The following LMO7 variants were observed in gnomAD, a reference collection of about 807,000 sequenced individuals.
The protein encoded by LMO7 is LIM domain only protein 7.
A neutral mutation model predicts 206.5 loss-of-function variants in LMO7; 120 were observed. The observed-to-expected ratio is 0.58, with a 90% CI of 0.50 to 0.68. The LOEUF (loss-of-function observed/expected upper bound fraction) is 0.68, where lower values mean the gene tolerates loss of function less well. Among genes scored for constraint, LMO7 ranks in the 30% least tolerant of loss-of-function variants. The probability of loss-of-function intolerance (pLI) is 0.00; values close to 1 mark genes in which losing one functional copy is unlikely to be tolerated. For synonymous variants in LMO7, 706 were observed against 681.5 expected (o/e 1.04, Z -0.56); for missense variants, 1,959 against 1,957.9 (o/e 1.00, Z -0.01).
Position 75,636,603 on chromosome 13 carries a change from A to T in LMO7, c.-55A>T, listed in dbSNP as rs1043569534. 3.2e-6 allele frequency: 5 copies of T among 1,544,196 alleles called. No individual in the cohort carries two copies. In the Admixed American group the frequency reaches 9.8e-5, roughly 30 times the overall value. On this transcript the variant is annotated 5_prime_UTR_variant, in exon 1 of 31. Transcript: ENST00000377534. ...GCCCGTGGGGCCCAGACGCGCGGGGACAACCCCTCCCCTCCACGCATCCCG... is the reference window on the plus strand; with the variant it reads ...GCCCGTGGGGCCCAGACGCGCGGGGTCAACCCCTCCCCTCCACGCATCCCG...
intron 3 of LMO7, among the ~76,000 whole-genome samples, chr13:75,731,915 C>G (rs1335613540): frequency 6.6e-6 from 1 of 152,038 alleles, no homozygotes; most frequent in African/African-American, 2.4e-5. Flanking sequence ...ATATGAAATT[C>G]TGGGTTGAAA....
At chr13:75,745,055 T>C (rs1018329604) in intron 3 of LMO7, among the ~76,000 whole-genome samples, 8 of 152,142 alleles carry the variant, frequency 5.3e-5, no homozygotes, top group African/African-American at 1.7e-4. Flanking sequence ...TGATTGAGTG[T>C]GTGTATGAGA....
intron 1 of LMO7, among the ~76,000 whole-genome samples, chr13:75,665,092 C>G (rs2038964710): frequency 1.3e-5 from 2 of 152,052 alleles, no homozygotes; most frequent in South Asian, 4.2e-4. Context: ...GTTTTTAGTA[C>G]TGTTTATTTT....
chr13:75,809,310 G>T (rs2055983397), intron 11 of LMO7, 127 bp downstream of exon 11: 1 of 737,702 alleles, frequency 1.4e-6, no homozygotes, highest in South Asian at 1.9e-5. Context: ...TTTTTTAAGT[G>T]GGAAATGTTT....
At chr13:75,623,191 T>C (rs1156253756) in intron 1 of LMO7, 1 of 715,520 alleles carries the variant, frequency 1.4e-6, no homozygotes, top group Non-Finnish European at 2.5e-6. Context: ...TTGTTGTTGC[T>C]CAATAAATAT....
At position 75,841,136 on chromosome 13, in the gene LMO7, C is replaced by T. The variant is rs766065248; in HGVS notation, c.3610C>T (p.Leu1204=). The change falls in exon 23 of 31, where the codon CTG becomes TTG. Residue 1204 remains leucine, a synonymous_variant. Transcript: ENST00000377534. ...AAAATATCAACGTGAGCAGGAGAAA[C>T]TGAGGGAAGAGTGGCAAAGGGCCAA... The part of the protein sequence containing the change: ...QEKYQREQEK[L]REEWQRAKQE... 1.9e-5 allele frequency: 30 copies of T among 1,612,474 alleles called. No individual in the cohort carries two copies. The highest frequency in any genetic ancestry group is 2.3e-5 in the Non-Finnish European group (27 of 1,178,862).
intron 3 of LMO7, among the ~76,000 whole-genome samples, chr13:75,729,252 T>C (rs1403012534): frequency 6.0e-5 from 9 of 149,624 alleles, no homozygotes; most frequent in Middle Eastern, 3.4e-3. Flanking sequence ...ATTCTTCCTA[T>C]CCATGAGCAT....
At chr13:75,622,570 T>G (rs528266735) in intron 1 of LMO7, among the ~76,000 whole-genome samples, 7 of 152,342 alleles carry the variant, frequency 4.6e-5, no homozygotes, top group African/African-American at 1.7e-4. Flanking sequence ...TTAAGTACTT[T>G]AAGAACTATA....
At chr13:75,804,220 C>T (rs1352626639) in intron 7 of LMO7, 69 bp from the exon 8 acceptor site, 15 of 1,491,050 alleles carry the variant, frequency 1.0e-5, no homozygotes, top group South Asian at 5.1e-5. Flanking sequence ...ACAAAGCAGG[C>T]GCGCTGTGTG....
intron 1 of LMO7, among the ~76,000 whole-genome samples, chr13:75,650,943 A>G (rs1438176028): frequency 2.6e-5 from 4 of 152,228 alleles, no homozygotes; most frequent in African/African-American, 7.2e-5. Context: ...AATGAGCCCA[A>G]TGAGCTATTT....
intron 19 of LMO7, among the ~76,000 whole-genome samples, chr13:75,837,527 T>C (rs139519801): frequency 1.1e-3 from 172 of 152,256 alleles, no homozygotes; most frequent in African/African-American, 4.1e-3. Flanking sequence ...TTGTGACAGA[T>C]CTATGGGAGA....
At chr13:75,782,299 C>T (rs375124595) in intron 4 of LMO7, among the ~76,000 whole-genome samples, 22 of 152,176 alleles carry the variant, frequency 1.4e-4, no homozygotes, top group African/African-American at 5.3e-4. Context: ...GTAGGTGTTT[C>T]ATTTTCTTCA....
At chr13:75,856,989 T>C (rs2139795764) in intron 30 of LMO7, 2 of 158,612 alleles carry the variant, frequency 1.3e-5, no homozygotes, top group Middle Eastern at 3.3e-3. Context: ...CATCAACTTC[T>C]ATTATTTAAC....
At chr13:75,731,555 C>T (rs2045224525) in intron 3 of LMO7, among the ~76,000 whole-genome samples, 1 of 152,108 alleles carries the variant, frequency 6.6e-6, no homozygotes, top group Non-Finnish European at 1.5e-5. Context: ...CTGAATACAG[C>T]ACACTGATGG....
At chr13:75,799,206 A>G (rs1405383797) in intron 6 of LMO7, among the ~76,000 whole-genome samples, 2 of 152,210 alleles carry the variant, frequency 1.3e-5, no homozygotes, top group Non-Finnish European at 2.9e-5. Flanking sequence ...TCATGAATTG[A>G]CGGTATTAGA....
intron 3 of LMO7, among the ~76,000 whole-genome samples, chr13:75,751,971 G>T (rs1399529890): frequency 6.6e-6 from 1 of 152,074 alleles, no homozygotes; most frequent in African/African-American, 2.4e-5. Flanking sequence ...TTTGGGTAGG[G>T]TAAGAGCCTA....
intron 2 of LMO7, among the ~76,000 whole-genome samples, chr13:75,726,202 G>A (rs2044457959): frequency 2.0e-5 from 3 of 151,940 alleles, no homozygotes; most frequent in African/African-American, 7.2e-5. Flanking sequence ...TAATAGAAAA[G>A]CATTTTTATA....
At chr13:75,621,657 G>A (rs776970477) in exon 1 of LMO7, 15 of 1,317,444 alleles carry the variant, frequency 1.1e-5, no homozygotes, top group Admixed American at 4.4e-5. Context: ...ATATGGGTAC[G>A]GTCTAAAGCT....
At chr13:75,732,007 T>G (rs1338248083) in intron 3 of LMO7, among the ~76,000 whole-genome samples, 1 of 152,204 alleles carries the variant, frequency 6.6e-6, no homozygotes, top group African/African-American at 2.4e-5. Flanking sequence ...GTTAGTCTGA[T>G]GGGTTTCCCT....
Sources: gnomAD v4.1 joint callset for allele counts (sites outside exome capture counted in the v4.1 genomes callset) on GRCh38, gnomAD v4.1.1 for gene constraint, MANE v1.5 for transcripts, NCBI Gene and HGNC (gene_info 2026-07-23, HGNC 2026-07-21) for gene names.